The following IDH2 variants were observed in gnomAD, a reference collection of about 807,000 sequenced individuals.
The protein encoded by IDH2 is isocitrate dehydrogenase (NADP(+)) 2, also known as isocitrate dehydrogenase [NADP], mitochondrial.
In IDH2, 18 loss-of-function variants were observed where a neutral mutation model predicts 50.5. That is an observed-to-expected ratio of 0.36 (90% CI 0.25 to 0.53). IDH2 has a LOEUF of 0.53. Ranked by LOEUF, IDH2 falls within the 20% of genes least tolerant of loss-of-function variation. IDH2 has a pLI of 0.92. For synonymous variants in IDH2, 280 were observed against 239.8 expected (o/e 1.17, Z -1.55); for missense variants, 518 against 610.7 (o/e 0.85, Z 1.60).
intron 1 of IDH2, among the ~76,000 whole-genome samples, chr15:90,093,001 A>G (rs1901084348): frequency 6.6e-6 from 1 of 152,198 alleles, no homozygotes; most frequent in African/African-American, 2.4e-5. Flanking sequence ...CCAGCCCACC[A>G]GTGGCCAAGA....
chr15:90,087,863 A>G (rs1900910255), intron 5 of IDH2, among the ~76,000 whole-genome samples: 1 of 106,360 alleles, frequency 9.4e-6, no homozygotes, highest in South Asian at 2.3e-4. Flanking sequence ...CTTAGACTAC[A>G]TGTGGCTGGG....
chr15:90,094,783 T>C (rs889080997), intron 1 of IDH2, among the ~76,000 whole-genome samples: 6 of 152,084 alleles, frequency 3.9e-5, no homozygotes, highest in Non-Finnish European at 7.4e-5. Context: ...GTGCCTATAA[T>C]CCCAGCTACC....
intron 1 of IDH2, among the ~76,000 whole-genome samples, chr15:90,097,734 T>C (rs1333353208): frequency 6.6e-6 from 1 of 152,124 alleles, no homozygotes; most frequent in East Asian, 1.9e-4. Flanking sequence ...AAAGTTCTGG[T>C]GATGGATGGT....
intron 3 of IDH2, among the ~76,000 whole-genome samples, 165 bp downstream of exon 3, chr15:90,090,314 C>CTGGCCTCAGGTGCAGT (rs934866152): frequency 3.9e-5 from 6 of 152,228 alleles, no homozygotes; most frequent in Admixed American, 2.0e-4. Flanking sequence ...CACAGGGAGA[C>CTGGCCTCAGGTGCAGT]TGGCCTCAGG....
chr15:90,087,695 G>GTT (rs1469523987), intron 5 of IDH2, 120 bp from the exon 6 acceptor site: 6 of 1,067,190 alleles, frequency 5.6e-6, no homozygotes, highest in South Asian at 3.8e-5. Flanking sequence ...CCACGCGACT[G>GTT]TTTAACACCA....
chr15:90,087,466 T>C lies in IDH2; in HGVS notation c.788A>G (p.Lys263Arg), dbSNP rs760479966. 18 of 1,614,216 alleles carry C rather than the reference T, an allele frequency of 1.1e-5. No homozygotes were observed. Among genetic ancestry groups the C allele is most frequent in the Non-Finnish European group, 1.5e-5 (18 of 1,180,022 alleles). Residue 263 changes from lysine (K) to arginine (R), a missense_variant, in exon 6 of 11, where the codon AAG (lysine) becomes AGG (arginine). Lys to Arg is a conservative substitution (Grantham distance 26). Transcript: ENST00000330062. ...GTCAAAGATCTCCTGGAAGATGTCC[T>C]TGAAACGCCCATCGTAGGCTTTCAG... ...TILKAYDGRF[K>R]DIFQEIFDKH...
rs1901238929 is a variant in IDH2 at position 90,098,511 on chromosome 15, T to TATGTATATATGTATGCATGC, written c.115+3764_115+3765insGCATGCATACATATATACAT. ...AGCAACTTTGTATATTTTATGTATG[T>TATGTATATATGTATGCATGC]ATGTATGTATGTATGCATGCATGTA... is the stretch of plus-strand genomic sequence containing the variant. On this transcript the variant is annotated intron_variant, in intron 1 of 10. Transcript: ENST00000330062. The surrounding 1 kb of genome is among the most constrained non-coding windows in gnomAD (Gnocchi z 5.1). Among the ~76,000 whole-genome samples the TATGTATATATGTATGCATGC allele has an allele frequency of 1.4e-5, 2 of 139,758 alleles. No individual in the cohort carries two copies. Among genetic ancestry groups the TATGTATATATGTATGCATGC allele is most frequent in the Non-Finnish European group, 1.6e-5 (1 of 62,852 alleles). 91.7% of individuals were successfully genotyped at this position (139,758 alleles called of 152,430 possible). A position where few individuals can be genotyped will look rare whatever the true frequency, so the allele number is the denominator to read the frequency against.
chr15:90,087,614 G>T (rs1300233382), intron 5 of IDH2, 39 bp from the exon 6 acceptor site: 1 of 1,611,794 alleles, frequency 6.2e-7, no homozygotes, highest in Admixed American at 1.7e-5. Flanking sequence ...TGGTGCCCTA[G>T]CCTGGCGATT....
intron 2 of IDH2, among the ~76,000 whole-genome samples, chr15:90,091,105 C>T (rs1046819023): frequency 6.6e-5 from 10 of 152,226 alleles, no homozygotes; most frequent in Non-Finnish European, 1.3e-4. Flanking sequence ...CCTGGACATA[C>T]ATAGACCACG....
chr15:90,088,327 G>T, intron 5 of IDH2, 32 bp downstream of exon 5: 8 of 1,610,996 alleles, frequency 5.0e-6, no homozygotes, highest in East Asian at 2.2e-5. Flanking sequence ...AGCTGGGAGA[G>T]GAGGGGCCCA....
chr15:90,088,838 T>A (rs932042401), intron 3 of IDH2, 91 bp from the exon 4 acceptor site: 4 of 1,408,620 alleles, frequency 2.8e-6, no homozygotes, highest in Non-Finnish European at 4.0e-6. Context: ...CAGACGGGGG[T>A]CCTAAAATTC....
At chr15:90,087,671 C>G in intron 5 of IDH2, 96 bp from the exon 6 acceptor site, 1 of 1,424,686 alleles carries the variant, frequency 7.0e-7, no homozygotes, top group South Asian at 1.1e-5. Context: ...TCTCCAGGAA[C>G]GGTACCCCGC....
rs767832682 is a variant in IDH2, at chr15:90,088,696, A to G, written c.425T>C (p.Ile142Thr). 2 of 1,614,024 alleles carry G rather than the reference A, an allele frequency of 1.2e-6. No homozygotes were observed. Among genetic ancestry groups the G allele is most frequent in the Non-Finnish European group, 1.7e-6 (2 of 1,180,016 alleles). Reference sequence around the variant, plus strand: ...CTCCCGGAAGACAGTCCCCCCCAGGATGTTCCGGATAGTTCCATTGGGACT... The same window carrying G: ...CTCCCGGAAGACAGTCCCCCCCAGGGTGTTCCGGATAGTTCCATTGGGACT... Reference protein sequence around the residue: ...WKSPNGTIRNILGGTVFREPI... With the variant: ...WKSPNGTIRNTLGGTVFREPI... The change falls in exon 4 of 11, where the codon ATC (isoleucine) becomes ACC (threonine). Residue 142 changes from isoleucine to threonine, a missense_variant. By Grantham distance (89) the Ile-to-Thr change is moderately conservative. Transcript: ENST00000330062.
In IDH2 at chr15:90,084,915, G is replaced by A. The variant is rs777870881; in HGVS notation, c.1179-7C>T. 24 of 1,613,580 alleles carry A rather than the reference G, an allele frequency of 1.5e-5. No individual in the cohort carries two copies. The highest frequency in any genetic ancestry group is 1.6e-4 in the Middle Eastern group (1 of 6,082). On this transcript the variant is annotated splice_polypyrimidine_tract_variant and splice_region_variant and intron_variant, in intron 9 of 10. Coordinates refer to ENST00000330062, the MANE Select transcript of IDH2 (RefSeq NM_002168.4). This position sits in a 1 kb window ranked among gnomAD's most constrained non-coding sequence, Gnocchi z 5.0. ...CTCCAGCATCTGGGCAAACCTATGG[G>A]GATGGGGCAGAATGAGACCCCATCT...
intron 1 of IDH2, among the ~76,000 whole-genome samples, chr15:90,097,753 C>A (rs1901219799): frequency 6.6e-6 from 1 of 152,116 alleles, no homozygotes; most frequent in African/African-American, 2.4e-5. Context: ...GTGGTAATGT[C>A]TGCACAACAG....
intron 5 of IDH2, among the ~76,000 whole-genome samples, chr15:90,088,078 G>A (rs1302226997): frequency 2.0e-5 from 3 of 151,556 alleles, no homozygotes; most frequent in Admixed American, 6.6e-5. Context: ...GGAGCTGCTC[G>A]TGGCCATTTC....
chr15:90,099,473 G>C (rs188148798), intron 1 of IDH2, among the ~76,000 whole-genome samples: 6 of 151,996 alleles, frequency 3.9e-5, no homozygotes, highest in Non-Finnish European at 5.9e-5. Flanking sequence ...TCTCTTTTTG[G>C]GGGGAGAAGG....
At chr15:90,087,984 G>A (rs1036121040) in intron 5 of IDH2, among the ~76,000 whole-genome samples, 1 of 152,104 alleles carries the variant, frequency 6.6e-6, no homozygotes, top group Non-Finnish European at 1.5e-5. Flanking sequence ...GTGGTCATGT[G>A]ACTCAGCCTG....
chr15:90,093,150 C>T (rs532823506), intron 1 of IDH2, among the ~76,000 whole-genome samples: 1 of 152,380 alleles, frequency 6.6e-6, no homozygotes, highest in Admixed American at 6.5e-5. Flanking sequence ...GGGCTCCTGC[C>T]ATCCAGTTCC....
Sources: allele counts gnomAD v4.1 joint callset (sites outside exome capture counted in the v4.1 genomes callset), GRCh38; gene constraint gnomAD v4.1.1; non-coding constraint Gnocchi (gnomAD v3.1); transcripts MANE v1.5; gene names NCBI Gene and HGNC (gene_info 2026-07-23, HGNC 2026-07-21).